The following WDR17 variants were observed in gnomAD, a reference collection of about 807,000 sequenced individuals.
WDR17 encodes WD repeat-containing protein 17.
WDR17 carries 143 observed loss-of-function variants against 161.7 expected under a neutral mutation model. The observed-to-expected ratio is 0.88, with a 90% confidence interval of 0.77 to 1.02. The LOEUF (loss-of-function observed/expected upper bound fraction) is 1.02. Among genes scored for constraint, WDR17 ranks in the 50% least tolerant of loss-of-function variants. The probability of loss-of-function intolerance (pLI) is 0.00; values close to 1 mark genes in which losing one functional copy is unlikely to be tolerated. For synonymous variants in WDR17, 517 were observed against 515.6 expected, an observed-to-expected ratio of 1.00 and a Z score of -0.04; for missense variants, 1,469 against 1,520.9, an observed-to-expected ratio of 0.97 and a Z score of 0.57.
In WDR17 at chr4:176,179,909, T is replaced by C. The variant is rs7699964; in HGVS notation, c.*330T>C. 6.5e-6 allele frequency: 1 copy of C among 153,394 alleles called. No homozygotes were observed. The highest frequency in any genetic ancestry group is 1.4e-5 in the Non-Finnish European group (1 of 69,098). 9.5% of individuals were successfully genotyped at this position (153,394 alleles called of 1,614,324 possible). A position where few individuals can be genotyped will look rare whatever the true frequency, so the allele number is the denominator to read the frequency against. On this transcript the variant is annotated 3_prime_UTR_variant, in exon 29 of 29. Coordinates refer to ENST00000508596, the MANE Select transcript of WDR17 (RefSeq NM_181265.4). ...ACCAAAATATCATATGGTTGAAATA[T>C]TGAAACATATTAAATTGTGCAACAC...
chr4:176,115,542 G>A (rs1036237037), intron 2 of WDR17, among the ~76,000 whole-genome samples: 3 of 151,662 alleles, frequency 2.0e-5, no homozygotes, highest in Non-Finnish European at 4.4e-5. Flanking sequence ...ATATTTAAAT[G>A]TGAAACATTT....
At chr4:176,150,348 T>A (rs1746921401) in intron 15 of WDR17, 120 bp from the exon 16 acceptor site, 1 of 1,443,114 alleles carries the variant, frequency 6.9e-7, no homozygotes, top group Non-Finnish European at 9.3e-7. Flanking sequence ...TGAGATAACA[T>A]GTAGTTATTT....
chr4:176,160,980 A>T lies in WDR17; in HGVS notation c.2728A>T (p.Ile910Phe). 6.2e-7 allele frequency: 1 copy of T among 1,609,712 alleles called. No homozygotes were observed. Among genetic ancestry groups the T allele is most frequent in the Non-Finnish European group, 8.5e-7 (1 of 1,178,048 alleles). The stretch of plus-strand genomic sequence containing the variant: ...TAAAGGAGCTTCATATTCTGATGAT[A>T]TCTACAAGGAAGACTTTAATGAGTG... ...VPKGASYSDD[I>F]YKEDFNELLH... The change falls in exon 20 of 29, where the codon ATC becomes TTC. Residue 910 changes from isoleucine (I) to phenylalanine (F), a missense_variant. Physicochemically the swap from Ile to Phe is conservative, Grantham distance 21. Coordinates refer to ENST00000508596, the MANE Select transcript of WDR17 (RefSeq NM_181265.4).
intron 1 of WDR17, among the ~76,000 whole-genome samples, chr4:176,084,257 G>T (rs61540581): frequency 0.03 from 4,517 of 152,074 alleles, 216 homozygotes; most frequent in African/African-American, 0.1. Context: ...CATTTGGTTC[G>T]GGTCTCAGGC....
chr4:176,170,864 A>G (rs540027014), intron 23 of WDR17, among the ~76,000 whole-genome samples: 2 of 152,360 alleles, frequency 1.3e-5, no homozygotes, highest in South Asian at 4.1e-4. Context: ...CCATGGGGTT[A>G]CAATGGGTAA....
chr4:176,086,658 G>C (rs1231443141), intron 1 of WDR17, among the ~76,000 whole-genome samples: 1 of 151,472 alleles, frequency 6.6e-6, no homozygotes, highest in Non-Finnish European at 1.5e-5. Flanking sequence ...TCTGATCTTT[G>C]ACTTTCAACT....
intron 6 of WDR17, among the ~76,000 whole-genome samples, chr4:176,130,472 C>T (rs530600653): frequency 6.2e-4 from 95 of 152,148 alleles, no homozygotes; most frequent in East Asian, 2.3e-3. Context: ...TGGCCGGGCG[C>T]GGTGGCTCAT....
At chr4:176,138,553 C>A (rs1185880160) in intron 9 of WDR17, among the ~76,000 whole-genome samples, 1 of 151,780 alleles carries the variant, frequency 6.6e-6, no homozygotes, top group African/African-American at 2.4e-5. Flanking sequence ...AATGCCCCAA[C>A]CTGCCATCTT....
rs568567000 is a variant in WDR17, at chr4:176,109,342, A to G, written c.-6-2233A>G. On this transcript the variant is annotated intron_variant, in intron 1 of 28. Transcript: ENST00000508596. ...TAAGTGTAAAAAAAAAAAGAAGTGT[A>G]TATCTTTTTTATTTACCCTGAATGC... 6.6e-5 allele frequency among the ~76,000 whole-genome samples: 10 copies of G among 152,190 alleles called. No individual in the cohort carries two copies. In the East Asian group the frequency reaches 9.7e-4, roughly 15 times the overall value.
intron 1 of WDR17, among the ~76,000 whole-genome samples, chr4:176,076,922 G>A (rs1734119479): frequency 6.6e-6 from 1 of 151,938 alleles, no homozygotes; most frequent in African/African-American, 2.4e-5. Flanking sequence ...TATCAACATT[G>A]ATAGAAATCT....
At chr4:176,156,052 T>C (rs764909161) in intron 17 of WDR17, 27 bp from the exon 18 acceptor site, 8 of 1,611,470 alleles carry the variant, frequency 5.0e-6, no homozygotes, top group Non-Finnish European at 6.8e-6. Flanking sequence ...ATTAATATGC[T>C]CCTGCCCTTT....
chr4:176,124,753 A>G (rs1742175508), intron 4 of WDR17, among the ~76,000 whole-genome samples: 1 of 152,210 alleles, frequency 6.6e-6, no homozygotes, highest in African/African-American at 2.4e-5. Flanking sequence ...CATTTCAATA[A>G]GCACTTTCCC....
chr4:176,131,515 G>A (rs188518085), intron 6 of WDR17, 39 bp from the exon 7 acceptor site: 4 of 1,536,026 alleles, frequency 2.6e-6, no homozygotes, highest in Admixed American at 2.0e-5. Context: ...TAAGCTCTGT[G>A]GTTTCATTCC....
At chr4:176,139,759 T>C (rs1474105828) in intron 9 of WDR17, 133 bp from the exon 10 acceptor site, 2 of 642,426 alleles carry the variant, frequency 3.1e-6, no homozygotes, top group Non-Finnish European at 5.3e-6. Flanking sequence ...TTTCTGCTCT[T>C]GACAGTAATG....
intron 17 of WDR17, 145 bp downstream of exon 17, chr4:176,152,112 C>T: frequency 1.5e-5 from 10 of 687,290 alleles, no homozygotes; most frequent in Non-Finnish European, 2.3e-5. Flanking sequence ...GAGTTCGATA[C>T]TAGCCTGAGC....
chr4:176,167,678 T>C (rs1201782079), intron 22 of WDR17, among the ~76,000 whole-genome samples: 1 of 121,154 alleles, frequency 8.3e-6, no homozygotes, highest in East Asian at 2.7e-4. Flanking sequence ...AAAAACAATA[T>C]CTTGAATTAT....
chr4:176,135,399 T>C lies in WDR17; in HGVS notation c.1267+123T>C, dbSNP rs532957981. On this transcript the variant is annotated intron_variant, in intron 8 of 28. Transcript: ENST00000508596. ...TCTAAATGAATGTAGAGCAAATTAG[T>C]GTGAACATATTTGTTGATTCTCTTT... 8.0e-5 allele frequency: 88 copies of C among 1,103,760 alleles called. 1 individual carries two copies. In the East Asian group the frequency reaches 2.1e-3, roughly 27 times the overall value. The allele number at this position is 1,103,760 out of a possible 1,614,324, so 68.4% of individuals were successfully genotyped here. A position where few individuals can be genotyped will look rare whatever the true frequency, so the allele number is the denominator to read the frequency against.
intron 15 of WDR17, 50 bp downstream of exon 15, chr4:176,150,223 A>G: frequency 6.3e-7 from 1 of 1,594,166 alleles, no homozygotes; most frequent in Non-Finnish European, 8.5e-7. Flanking sequence ...AGCCAACATG[A>G]ATCATTACAA....
chr4:176,075,860 C>CT (rs1303927905), intron 1 of WDR17, among the ~76,000 whole-genome samples: 1 of 151,768 alleles, frequency 6.6e-6, no homozygotes, highest in Admixed American at 6.6e-5. Context: ...GTGCTGTAGT[C>CT]TCAGTTCGGG....
Sources: gnomAD v4.1 joint callset for allele counts (sites outside exome capture counted in the v4.1 genomes callset) on GRCh38, gnomAD v4.1.1 for gene constraint, MANE v1.5 for transcripts, NCBI Gene and HGNC (gene_info 2026-07-23, HGNC 2026-07-21) for gene names.